METAP2: variants seen among roughly 807,000 people sequenced by gnomAD.
METAP2 encodes methionine aminopeptidase 2.
In METAP2, 25 loss-of-function variants were observed where a neutral mutation model predicts 59.4. That is an observed-to-expected ratio of 0.42 (90% confidence interval 0.31 to 0.59). The LOEUF (loss-of-function observed/expected upper bound fraction) is 0.59, where lower values mean the gene tolerates loss of function less well. METAP2 is among the 20% of genes least tolerant of loss of function. The pLI is 0.16. For missense variants in METAP2, 366 were observed against 581.2 expected, an observed-to-expected ratio of 0.63 and a Z score of 3.81; for synonymous variants, 214 against 194.1, an observed-to-expected ratio of 1.10 and a Z score of -0.85.
At chr12:95,485,197 G>T (rs1275359818) in intron 3 of METAP2, among the ~76,000 whole-genome samples, 1 of 152,142 alleles carries the variant, frequency 6.6e-6, no homozygotes, top group Non-Finnish European at 1.5e-5. Context: ...CTGAGGATTG[G>T]TACTATTTAG....
intron 10 of METAP2, among the ~76,000 whole-genome samples, 183 bp downstream of exon 10, chr12:95,513,099 A>G (rs1458875586): frequency 7.3e-6 from 1 of 136,316 alleles, no homozygotes; most frequent in East Asian, 2.9e-4. Flanking sequence ...TTACACACAC[A>G]CACACACACA....
intron 7 of METAP2, among the ~76,000 whole-genome samples, chr12:95,498,301 TG>T (rs1447970278): frequency 6.6e-6 from 1 of 152,170 alleles, no homozygotes; most frequent in Non-Finnish European, 1.5e-5. Flanking sequence ...AGTCGTTTGT[TG>T]TTGAGTTTTA....
intron 8 of METAP2, among the ~76,000 whole-genome samples, chr12:95,510,557 A>C (rs1312851398): frequency 6.6e-6 from 1 of 152,174 alleles, no homozygotes; most frequent in Non-Finnish European, 1.5e-5. Context: ...TCCATGGCCC[A>C]AACTCCTCCT....
chr12:95,506,792 ATACTTATT>A (rs1445635931), intron 8 of METAP2, among the ~76,000 whole-genome samples: 11 of 99,218 alleles, frequency 1.1e-4, no homozygotes, highest in African/African-American at 4.2e-4. Flanking sequence ...GCAAAGCAGA[ATACTTATT>A]TATTTATTTA....
intron 10 of METAP2, among the ~76,000 whole-genome samples, chr12:95,513,277 T>G (rs2076418017): frequency 6.6e-6 from 1 of 152,190 alleles, no homozygotes; most frequent in African/African-American, 2.4e-5. Context: ...TTTTTTAACA[T>G]TTGAAGATGA....
At chr12:95,482,121 T>C (rs560695947) in intron 2 of METAP2, 11 of 452,828 alleles carry the variant, frequency 2.4e-5, no homozygotes, top group Admixed American at 1.4e-4. Flanking sequence ...GGTTTGTTGT[T>C]GTTAGGATAC....
At chr12:95,477,010 A>G (rs765758196) in intron 2 of METAP2, among the ~76,000 whole-genome samples, 16 of 152,200 alleles carry the variant, frequency 1.1e-4, no homozygotes, top group Non-Finnish European at 2.1e-4. Context: ...TGGTAGTTAC[A>G]TGATTTACCC....
chr12:95,513,140 C>T (rs1177745694), intron 10 of METAP2, among the ~76,000 whole-genome samples: 1 of 148,300 alleles, frequency 6.7e-6, no homozygotes, highest in African/African-American at 2.5e-5. Context: ...CACAAGTGCT[C>T]TCTTCAAGTC....
At chr12:95,502,822 C>T (rs1179595187) in intron 7 of METAP2, among the ~76,000 whole-genome samples, 1 of 151,140 alleles carries the variant, frequency 6.6e-6, no homozygotes, top group Non-Finnish European at 1.5e-5. Flanking sequence ...CTTTTTTTTG[C>T]CTGCTCAAAT....
chr12:95,503,003 T>A (rs541161215), intron 7 of METAP2, among the ~76,000 whole-genome samples: 3 of 152,126 alleles, frequency 2.0e-5, no homozygotes, highest in Admixed American at 2.0e-4. Flanking sequence ...TAAGTATCTT[T>A]AGAAGAGTTG....
At chr12:95,502,559 G>C (rs1003832226) in intron 7 of METAP2, among the ~76,000 whole-genome samples, 1 of 151,524 alleles carries the variant, frequency 6.6e-6, no homozygotes, top group South Asian at 2.1e-4. Context: ...TGTGTGGGGG[G>C]GTTTCTTTGA....
At chr12:95,502,584 G>C (rs1035237334) in intron 7 of METAP2, among the ~76,000 whole-genome samples, 1 of 151,638 alleles carries the variant, frequency 6.6e-6, no homozygotes, top group Non-Finnish European at 1.5e-5. Flanking sequence ...ATCTTTTTTT[G>C]AGTTCTTTGA....
intron 3 of METAP2, among the ~76,000 whole-genome samples, chr12:95,484,199 T>C (rs1329224648): frequency 1.3e-5 from 2 of 152,074 alleles, no homozygotes; most frequent in Non-Finnish European, 2.9e-5. Context: ...AATCAGAATT[T>C]TGGGGGCTTG....
chr12:95,482,749 G>A (rs983033945), intron 2 of METAP2, among the ~76,000 whole-genome samples: 9 of 152,094 alleles, frequency 5.9e-5, no homozygotes, highest in Non-Finnish European at 7.4e-5. Context: ...CTGAGATTGC[G>A]CCATTGCACT....
chr12:95,514,397 C>G lies in METAP2; in HGVS notation c.*493C>G, dbSNP rs2076429315. On this transcript the variant is annotated 3_prime_UTR_variant, in exon 11 of 11. Coordinates refer to ENST00000323666, the MANE Select transcript of METAP2 (RefSeq NM_006838.4). ...ATTCTGGACAGGATAAATAGCTAAA[C>G]TTAATGTAGGCAAATGCAGAGACAT... 1 of 153,102 alleles carries G rather than the reference C, an allele frequency of 6.5e-6. No homozygotes were observed. The highest frequency in any genetic ancestry group is 2.4e-5 in the African/African-American group (1 of 41,442). The allele number at this position is 153,102 out of a possible 1,614,324, so 9.5% of individuals were successfully genotyped here.
At chr12:95,475,960 T>C in intron 1 of METAP2, 111 bp from the exon 2 acceptor site, 1 of 630,672 alleles carries the variant, frequency 1.6e-6, no homozygotes, top group Non-Finnish European at 2.7e-6. Flanking sequence ...ATAATGTTTC[T>C]GTTTTTGTTT....
intron 1 of METAP2, among the ~76,000 whole-genome samples, chr12:95,474,643 T>G (rs1441756461): frequency 1.3e-5 from 2 of 152,206 alleles, no homozygotes; most frequent in Non-Finnish European, 2.9e-5. Flanking sequence ...GTCTTGAGAT[T>G]GTGCGCAGAG....
At chr12:95,505,758 G>C (rs2076354167) in intron 8 of METAP2, among the ~76,000 whole-genome samples, 1 of 151,652 alleles carries the variant, frequency 6.6e-6, no homozygotes, top group African/African-American at 2.4e-5. Context: ...GCCTCCCGAA[G>C]TGCTGGGATT....
Position 95,513,922 on chromosome 12 carries a change from C to T in METAP2, c.*18C>T. ...ACTATTAAACTTAGTCCAAAGCCACCTCAACACCTTTATTTTCTGAGCTTT... is the reference window on the plus strand; with the variant it reads ...ACTATTAAACTTAGTCCAAAGCCACTTCAACACCTTTATTTTCTGAGCTTT... On this transcript the variant is annotated 3_prime_UTR_variant, in exon 11 of 11. Coordinates refer to ENST00000323666, the MANE Select transcript of METAP2 (RefSeq NM_006838.4). 1 of 1,588,536 alleles carries T rather than the reference C, an allele frequency of 6.3e-7. No individual in the cohort carries two copies. The highest frequency in any genetic ancestry group is 8.6e-7 in the Non-Finnish European group (1 of 1,167,682).
Sources: gnomAD v4.1 joint callset for allele counts (sites outside exome capture counted in the v4.1 genomes callset) on GRCh38, gnomAD v4.1.1 for gene constraint, MANE v1.5 for transcripts, NCBI Gene and HGNC (gene_info 2026-07-23, HGNC 2026-07-21) for gene names.